The following CDH22 variants were observed in gnomAD, a reference collection of about 807,000 sequenced individuals.
CDH22 encodes the protein cadherin-22.
A neutral mutation model predicts 58.4 loss-of-function variants in CDH22; 30 were observed. The observed-to-expected ratio is 0.51, with a 90% CI of 0.38 to 0.70. CDH22 has a LOEUF of 0.70. CDH22 is among the 30% of genes least tolerant of loss of function. The pLI is 0.00. For missense variants in CDH22, 1,014 were observed against 1,233.9 expected (o/e 0.82, Z 2.67); for synonymous variants, 513 against 558.2 (o/e 0.92, Z 1.14).
chr20:46,182,113 T>C (rs1193657404), intron 10 of CDH22, among the ~76,000 whole-genome samples: 1 of 152,156 alleles, frequency 6.6e-6, no homozygotes. Flanking sequence ...CCACCACTAC[T>C]GGCCAGAATT....
chr20:46,213,061 G>T lies in CDH22; in HGVS notation c.966C>A (p.Ser322Arg). 1 of 1,614,156 alleles carries T rather than the reference G, an allele frequency of 6.2e-7. No individual in the cohort carries two copies. Among genetic ancestry groups the T allele is most frequent in the Non-Finnish European group, 8.5e-7 (1 of 1,180,004 alleles). The change falls in exon 6 of 12, where the codon AGC becomes AGA. Residue 322 changes from serine to arginine, a missense_variant. Physicochemically the swap from Ser to Arg is moderately radical, Grantham distance 110. Around this residue, in one of 2 missense-constraint regions of CDH22, gnomAD observed 806 missense variants for 1,038.7 expected, o/e 0.78. Coordinates refer to ENST00000537909, the MANE Select transcript of CDH22 (RefSeq NM_021248.3). ...TGGTGACCTTGAACACATCGCCGCC[G>T]CTGCTGCTCTCGTCCTTAAGGTGGT... The part of the protein sequence containing the change: ...MTYHLKDESS[S>R]GGDVFKVTTD...
chr20:46,184,532 A>G (rs1045207003), intron 10 of CDH22, among the ~76,000 whole-genome samples: 2 of 152,132 alleles, frequency 1.3e-5, no homozygotes, highest in African/African-American at 4.8e-5. Context: ...CACCCCAGCC[A>G]CTTATCATCC....
intron 2 of CDH22, among the ~76,000 whole-genome samples, chr20:46,250,761 AC>A (rs2086365946): frequency 6.6e-6 from 1 of 152,124 alleles, no homozygotes; most frequent in Admixed American, 6.5e-5. Flanking sequence ...GGATTTGCAA[AC>A]TCGTTCCTAA....
At chr20:46,214,789 C>A (rs1324169513) in intron 5 of CDH22, among the ~76,000 whole-genome samples, 1 of 152,240 alleles carries the variant, frequency 6.6e-6, no homozygotes, top group Non-Finnish European at 1.5e-5. Context: ...CTCCCTTGGC[C>A]CCCAAGCTTA....
intron 8 of CDH22, among the ~76,000 whole-genome samples, chr20:46,193,138 C>T (rs747437724): frequency 6.6e-6 from 1 of 152,104 alleles, no homozygotes; most frequent in Non-Finnish European, 1.5e-5. Flanking sequence ...CTTTCCTTCC[C>T]CAGTGGCTGA....
rs33937889 is a variant in CDH22 at position 46,178,586 on chromosome 20, C to CTTTTTTTTTTTT, written c.1664-401_1664-390dup. 8.6e-4 allele frequency among the ~76,000 whole-genome samples: 82 copies of CTTTTTTTTTTTT among 95,326 alleles called. 3 individuals carry two copies. The highest frequency in any genetic ancestry group is 2.8e-3 in the African/African-American group (68 of 23,994). 62.5% of individuals were successfully genotyped at this position (95,326 alleles called of 152,430 possible). A position where few individuals can be genotyped will look rare whatever the true frequency, so the allele number is the denominator to read the frequency against. ...GCCAAGGTCCTGTCCCTGGCGTTGTCTTTTTTTTTTTTTTTTTTTTTGCCA... is the reference window on the plus strand; with the variant it reads ...GCCAAGGTCCTGTCCCTGGCGTTGTCTTTTTTTTTTTTTTTTTTTTTTTTTTTTTTTTTGCCA... On this transcript the variant is annotated intron_variant, in intron 10 of 11. Coordinates refer to ENST00000537909, the MANE Select transcript of CDH22 (RefSeq NM_021248.3).
rs1449368719 is a variant in CDH22 at position 46,174,830 on chromosome 20, G to A, written c.2163C>T (p.Pro721=). 4.3e-6 allele frequency: 6 copies of A among 1,389,694 alleles called. No homozygotes were observed. The highest frequency in any genetic ancestry group is 5.6e-6 in the Non-Finnish European group (6 of 1,074,452). The allele number at this position is 1,389,694 out of a possible 1,614,324, so 86.1% of individuals were successfully genotyped here. A position where few individuals can be genotyped will look rare whatever the true frequency, so the allele number is the denominator to read the frequency against. ...GCTCGGAGGGCAGGTGGGCCTGCGG[G>A]GGGCTGCCCGCGCCCCCGCCCGAGC... is the stretch of plus-strand genomic sequence containing the variant. ...GGGSGGGAGS[P]PQAHLPSERH... The change falls in exon 12 of 12, where the codon CCC becomes CCT. Residue 721 remains proline (P), a synonymous_variant. Coordinates refer to ENST00000537909, the MANE Select transcript of CDH22 (RefSeq NM_021248.3). The surrounding 1 kb of genome is among the most constrained non-coding windows in gnomAD (Gnocchi z 4.4).
chr20:46,266,511 T>C (rs927689139), intron 1 of CDH22, among the ~76,000 whole-genome samples: 18 of 152,242 alleles, frequency 1.2e-4, no homozygotes, highest in African/African-American at 4.1e-4. Context: ...CAGGAGCATG[T>C]GTGACACATT....
In CDH22 at chr20:46,185,750, GC is replaced by G. The variant is rs1568651216; in HGVS notation, c.1663+837del. Among the ~76,000 whole-genome samples the G allele has an allele frequency of 4.6e-5, 7 of 152,264 alleles. No homozygotes were observed. In the South Asian group the frequency reaches 6.2e-4, roughly 14 times the overall value. Reference sequence around the variant, plus strand: ...AGATCTGATGGTGTGCATCTGTAGTGCCAGCTACTCAGGAGGCTGACGCAGG... The same window carrying G: ...AGATCTGATGGTGTGCATCTGTAGTGCAGCTACTCAGGAGGCTGACGCAGG... On this transcript the variant is annotated intron_variant, in intron 10 of 11. Coordinates refer to ENST00000537909, the MANE Select transcript of CDH22 (RefSeq NM_021248.3).
chr20:46,177,193 A>G lies in CDH22; in HGVS notation c.1915+753T>C, dbSNP rs1023411872. 1.1e-4 allele frequency among the ~76,000 whole-genome samples: 16 copies of G among 152,230 alleles called. 1 individual carries two copies. The highest frequency in any genetic ancestry group is 1.0e-4 in the Non-Finnish European group (7 of 68,046). Reference sequence around the variant, plus strand: ...AGGCAGCTGACATCTCCCAGGGAGCAGAGCAAGGCTGGAATCTGCACTTGG... The same window carrying G: ...AGGCAGCTGACATCTCCCAGGGAGCGGAGCAAGGCTGGAATCTGCACTTGG... On this transcript the variant is annotated intron_variant, in intron 11 of 11. Coordinates refer to ENST00000537909, the MANE Select transcript of CDH22 (RefSeq NM_021248.3).
At chr20:46,301,806 C>T (rs1464755624) in intron 1 of CDH22, among the ~76,000 whole-genome samples, 4 of 151,886 alleles carry the variant, frequency 2.6e-5, no homozygotes, top group Admixed American at 6.6e-5. Flanking sequence ...AGTGAAACTC[C>T]GTCTCAAATA....
At chr20:46,191,550 A>G (rs2085862055) in intron 8 of CDH22, among the ~76,000 whole-genome samples, 1 of 152,292 alleles carries the variant, frequency 6.6e-6, no homozygotes, top group Non-Finnish European at 1.5e-5. Context: ...AGTACATGCC[A>G]AGGACCAGGG....
intron 8 of CDH22, among the ~76,000 whole-genome samples, chr20:46,190,826 T>C (rs576716625): frequency 2.6e-4 from 39 of 151,232 alleles, no homozygotes; most frequent in Non-Finnish European, 5.2e-4. Flanking sequence ...GCCCCGGGGG[T>C]CTGAGGGACC....
At chr20:46,205,066 C>G (rs2085991664) in intron 7 of CDH22, among the ~76,000 whole-genome samples, 1 of 152,084 alleles carries the variant, frequency 6.6e-6, no homozygotes, top group South Asian at 2.1e-4. Context: ...AGCCTGCCTC[C>G]TGCTCCACTG....
In CDH22 at chr20:46,221,223, G is replaced by A. The variant is rs146852289; in HGVS notation, c.671-4230C>T. On this transcript the variant is annotated intron_variant, in intron 4 of 11. Coordinates refer to ENST00000537909, the MANE Select transcript of CDH22 (RefSeq NM_021248.3). ...AACTGCCAAGCTGACACACCAAATTGTGACAAATAATAAATTATTGTTGCT... is the reference window on the plus strand; with the variant it reads ...AACTGCCAAGCTGACACACCAAATTATGACAAATAATAAATTATTGTTGCT... Among the ~76,000 whole-genome samples, 532 of 151,166 alleles carry A rather than the reference G, an allele frequency of 3.5e-3. 2 individuals are homozygous for A. Among genetic ancestry groups the A allele is most frequent in the African/African-American group, 0.013 (515 of 41,158 alleles).
At chr20:46,293,064 A>G (rs1216815899) in intron 1 of CDH22, among the ~76,000 whole-genome samples, 4 of 152,084 alleles carry the variant, frequency 2.6e-5, no homozygotes, top group Non-Finnish European at 5.9e-5. Flanking sequence ...GATGCTCAGT[A>G]TATGTTGAGT....
At chr20:46,214,791 C>G (rs1225345204) in intron 5 of CDH22, among the ~76,000 whole-genome samples, 2 of 152,230 alleles carry the variant, frequency 1.3e-5, no homozygotes, top group African/African-American at 4.8e-5. Flanking sequence ...CCCTTGGCCC[C>G]CAAGCTTATC....
intron 1 of CDH22, among the ~76,000 whole-genome samples, chr20:46,270,514 G>C (rs536030864): frequency 6.6e-6 from 1 of 152,302 alleles, no homozygotes; most frequent in African/African-American, 2.4e-5. Flanking sequence ...GAACAAGAAA[G>C]GGGGGCGAGA....
At chr20:46,232,284 A>G (rs2086225148) in intron 3 of CDH22, among the ~76,000 whole-genome samples, 1 of 151,942 alleles carries the variant, frequency 6.6e-6, no homozygotes, top group Admixed American at 6.6e-5. Context: ...TGCTGCATGG[A>G]GTGGAGCTCA....
Sources: allele counts gnomAD v4.1 joint callset (sites outside exome capture counted in the v4.1 genomes callset), GRCh38; gene constraint gnomAD v4.1.1; regional missense constraint gnomAD v4.1.1; non-coding constraint Gnocchi (gnomAD v3.1); transcripts MANE v1.5; gene names NCBI Gene and HGNC (gene_info 2026-07-23, HGNC 2026-07-21).